Variants in NRXN3 observed in about 807,000 individuals in gnomAD.
NRXN3 encodes the protein neurexin 3, also known as neurexin III.
Under a neutral mutation model 137.6 loss-of-function variants are expected in NRXN3, and 32 were observed. The observed-to-expected ratio is 0.23, with a 90% CI of 0.18 to 0.31. The LOEUF is 0.31. Among genes scored for constraint, NRXN3 ranks in the 10% least tolerant of loss-of-function variants. The probability of loss-of-function intolerance (pLI) is 1.00; values close to 1 mark genes in which losing one functional copy is unlikely to be tolerated. For missense variants in NRXN3, 1,574 were observed against 2,062.5 expected (o/e 0.76, Z 4.59); for synonymous variants, 798 against 784.5 (o/e 1.02, Z -0.29).
chr14:78,639,004 C>T (rs1316674683), intron 4 of NRXN3, among the ~76,000 whole-genome samples: 1 of 152,204 alleles, frequency 6.6e-6, no homozygotes, highest in East Asian at 1.9e-4. Flanking sequence ...ATTGGGTGAT[C>T]TGTGAGTTCA....
intron 4 of NRXN3, among the ~76,000 whole-genome samples, chr14:78,588,676 G>T (rs1217469152): frequency 6.6e-6 from 1 of 152,170 alleles, no homozygotes; most frequent in African/African-American, 2.4e-5. Context: ...CAAATAAATA[G>T]TACAAGTGAG....
At chr14:79,333,396 T>C (rs1277631710) in intron 15 of NRXN3, among the ~76,000 whole-genome samples, 1 of 152,204 alleles carries the variant, frequency 6.6e-6, no homozygotes, top group Non-Finnish European at 1.5e-5. Flanking sequence ...TTCTTAATTA[T>C]GCAGAAGTGG....
intron 15 of NRXN3, among the ~76,000 whole-genome samples, chr14:79,214,605 A>G (rs967302349): frequency 1.3e-5 from 2 of 152,200 alleles, no homozygotes; most frequent in African/African-American, 4.8e-5. Flanking sequence ...TCATTTGTCA[A>G]TTAAAACAAA....
chr14:78,777,955 G>A (rs1053978876), intron 8 of NRXN3, among the ~76,000 whole-genome samples: 10 of 152,044 alleles, frequency 6.6e-5, no homozygotes, highest in Admixed American at 1.3e-4. Flanking sequence ...TAGAGACAGG[G>A]TTTTGCCATG....
At chr14:79,613,595 G>C (rs917965187) in intron 16 of NRXN3, among the ~76,000 whole-genome samples, 10 of 152,166 alleles carry the variant, frequency 6.6e-5, no homozygotes, top group African/African-American at 2.4e-4. Flanking sequence ...CAGTGATTAG[G>C]TGTTGCCCAA....
chr14:79,723,255 T>C (rs1043615271), intron 19 of NRXN3, among the ~76,000 whole-genome samples: 5 of 151,724 alleles, frequency 3.3e-5, no homozygotes, highest in African/African-American at 9.7e-5. Flanking sequence ...TGAAGAAAAA[T>C]GGAAATGAAG....
chr14:79,749,435 TG>T (rs1013012119), intron 19 of NRXN3, among the ~76,000 whole-genome samples: 30 of 102,092 alleles, frequency 2.9e-4, no homozygotes, highest in African/African-American at 7.5e-4. Context: ...GCTTCAGTGT[TG>T]TTTTTTTTTT....
At chr14:79,366,941 CATTAAA>C (rs1307754549) in intron 15 of NRXN3, among the ~76,000 whole-genome samples, 1 of 146,286 alleles carries the variant, frequency 6.8e-6, no homozygotes, top group East Asian at 2.1e-4. Flanking sequence ...TTTTTCAATT[CATTAAA>C]ATTAAATAGA....
intron 10 of NRXN3, among the ~76,000 whole-genome samples, chr14:78,842,395 A>G (rs1007606123): frequency 1.3e-5 from 2 of 152,112 alleles, no homozygotes; most frequent in African/African-American, 4.8e-5. Flanking sequence ...GCAAGTTTTT[A>G]TTAGTGATTT....
intron 16 of NRXN3, among the ~76,000 whole-genome samples, chr14:79,519,464 G>A (rs2097036381): frequency 6.6e-6 from 1 of 151,634 alleles, no homozygotes; most frequent in South Asian, 2.1e-4. Context: ...CATATTTTAT[G>A]TTTGTTTAAA....
intron 15 of NRXN3, among the ~76,000 whole-genome samples, chr14:79,202,535 C>T (rs569094653): frequency 8.5e-5 from 13 of 152,196 alleles, no homozygotes; most frequent in East Asian, 3.9e-4. Flanking sequence ...CACCCTCCTA[C>T]GACTCTTCCC....
chr14:79,043,019 G>A (rs189668555), intron 15 of NRXN3, among the ~76,000 whole-genome samples: 1 of 152,008 alleles, frequency 6.6e-6, no homozygotes, highest in Admixed American at 6.6e-5. Context: ...ACAAACAAAT[G>A]CCATTTCATT....
intron 15 of NRXN3, among the ~76,000 whole-genome samples, chr14:79,359,275 AGAGT>A (rs1446175566): frequency 6.6e-6 from 1 of 152,182 alleles, no homozygotes; most frequent in Non-Finnish European, 1.5e-5. Flanking sequence ...AGTCACCTTC[AGAGT>A]AAGGGTGGGG....
At chr14:79,180,308 C>T (rs976235359) in intron 15 of NRXN3, among the ~76,000 whole-genome samples, 32 of 152,120 alleles carry the variant, frequency 2.1e-4, no homozygotes, top group African/African-American at 7.5e-4. Flanking sequence ...AAACGTGCTG[C>T]TTATTTCATT....
At chr14:79,031,604 C>T (rs138582443) in intron 15 of NRXN3, among the ~76,000 whole-genome samples, 85 of 152,164 alleles carry the variant, frequency 5.6e-4, no homozygotes, top group Non-Finnish European at 9.4e-4. Context: ...AAGTGAGAAT[C>T]GTAATATACT....
In NRXN3 at chr14:78,785,324, C is replaced by T. The variant is rs145198156; in HGVS notation, c.2045-18296C>T. ...GAACAGTGTCACTGAGTCATAAAGA[C>T]GGCTCCAAGAGGAAAACTTTGGGCA... On this transcript the variant is annotated intron_variant, in intron 8 of 20. Coordinates refer to ENST00000335750, the MANE Select transcript of NRXN3 (RefSeq NM_001330195.2). Among the ~76,000 whole-genome samples the T allele has an allele frequency of 3.9e-5, 6 of 152,244 alleles. No homozygotes were observed. The East Asian group carries it at 5.8e-4, about 15-fold the overall frequency.
At chr14:78,292,246 G>A (rs1261327580) in intron 3 of NRXN3, among the ~76,000 whole-genome samples, 1 of 152,214 alleles carries the variant, frequency 6.6e-6, no homozygotes, top group East Asian at 1.9e-4. Context: ...AGCTGCAAAA[G>A]CAGCTATAGC....
At chr14:79,193,416 G>A (rs955917491) in intron 15 of NRXN3, among the ~76,000 whole-genome samples, 4 of 152,150 alleles carry the variant, frequency 2.6e-5, no homozygotes, top group Non-Finnish European at 5.9e-5. Context: ...TGAGAAATGC[G>A]AACAAACAAG....
In NRXN3 at chr14:78,243,482, A is replaced by G. The variant is rs747904105; in HGVS notation, c.389A>G (p.Gln130Arg). 6 of 1,588,660 alleles carry G rather than the reference A, an allele frequency of 3.8e-6. No homozygotes were observed. The highest frequency in any genetic ancestry group is 2.6e-6 in the Non-Finnish European group (3 of 1,175,148). Reference sequence around the variant, plus strand: ...GTGCTGATGCTTGATGGCGAGGGCCAGTCTGGGGAGCTGCAGCCCCAGCGG... The same window carrying G: ...GTGCTGATGCTTGATGGCGAGGGCCGGTCTGGGGAGCTGCAGCCCCAGCGG... ...RTVLMLDGEG[Q>R]SGELQPQRPY... The change falls in exon 2 of 21, where the codon CAG becomes CGG. Residue 130 changes from glutamine to arginine, a missense_variant. Coordinates refer to ENST00000335750, the MANE Select transcript of NRXN3 (RefSeq NM_001330195.2). This position sits in a 1 kb window ranked among gnomAD's most constrained non-coding sequence, Gnocchi z 4.2.
Sources: allele counts gnomAD v4.1 joint callset (sites outside exome capture counted in the v4.1 genomes callset), GRCh38; gene constraint gnomAD v4.1.1; non-coding constraint Gnocchi (gnomAD v3.1); transcripts MANE v1.5; gene names NCBI Gene and HGNC (gene_info 2026-07-23, HGNC 2026-07-21).